The following ZNF223 variants were observed in gnomAD, a reference collection of about 807,000 sequenced individuals.
ZNF223 encodes zinc finger protein 223.
Under a neutral mutation model 12.3 loss-of-function variants are expected in ZNF223, and 9 were observed. The ratio of observed to expected loss-of-function variants is 0.73; its 90% CI spans 0.44 to 1.28. ZNF223 has a LOEUF of 1.28. Ranked by LOEUF, ZNF223 falls within the 50% of genes most tolerant of loss-of-function variation. The pLI, the probability that ZNF223 is intolerant of heterozygous loss-of-function variation, is 0.00. For missense variants in ZNF223, 506 were observed against 579.0 expected, an observed-to-expected ratio of 0.87 and a Z score of 1.29; for synonymous variants, 171 against 195.2, an observed-to-expected ratio of 0.88 and a Z score of 1.03.
intron 4 of ZNF223, chr19:44,061,054 A>G: frequency 2.0e-6 from 1 of 503,880 alleles, no homozygotes; most frequent in Non-Finnish European, 3.6e-6. Context: ...TGGATGTCAG[A>G]TTGTCATTCC....
In ZNF223 at chr19:44,064,902, CA is replaced by C. The variant is rs1472809381; in HGVS notation, c.236-1160del. On this transcript the variant is annotated intron_variant, in intron 4 of 4. Coordinates refer to ENST00000434772, the MANE Select transcript of ZNF223 (RefSeq NM_013361.6). Reference sequence around the variant, plus strand: ...CAAGGAACCACCAATCAGGGAAACTCAACTGAGTGCTGGGATCCAAGTAATT... The same window carrying C: ...CAAGGAACCACCAATCAGGGAAACTCACTGAGTGCTGGGATCCAAGTAATT... 5.9e-5 allele frequency among the ~76,000 whole-genome samples: 9 copies of C among 152,270 alleles called. No individual in the cohort carries two copies. In the South Asian group the frequency reaches 1.5e-3, roughly 25 times the overall value.
At chr19:44,061,727 A>G (rs1976841637) in intron 4 of ZNF223, among the ~76,000 whole-genome samples, 1 of 152,218 alleles carries the variant, frequency 6.6e-6, no homozygotes, top group Admixed American at 6.5e-5. Flanking sequence ...GGATGTGGAC[A>G]TCTTTCAGGA....
Position 44,067,626 on chromosome 19 carries a change from C to A in ZNF223, c.*349C>A. On this transcript the variant is annotated 3_prime_UTR_variant, in exon 5 of 5. Coordinates refer to ENST00000434772, the MANE Select transcript of ZNF223 (RefSeq NM_013361.6). ...TTAAGCTTCCCCATGTGATTGAGGA[C>A]AGTTTGAAGTTAGTGTTTCAGCCAT... 2.5e-6 allele frequency: 1 copy of A among 406,548 alleles called. No individual in the cohort carries two copies. The highest frequency in any genetic ancestry group is 4.8e-6 in the Non-Finnish European group (1 of 209,888). The allele number at this position is 406,548 out of a possible 1,614,324, so 25.2% of individuals were successfully genotyped here.
At position 44,066,818 on chromosome 19, in the gene ZNF223, T is replaced by C; in HGVS notation, c.990T>C (p.Asp330=). The C allele has an allele frequency of 6.2e-7, 1 of 1,614,042 alleles. No homozygotes were observed. Among genetic ancestry groups the C allele is most frequent in the South Asian group, 1.1e-5 (1 of 91,068 alleles). ...EYGKGFIRRL[D]LCKHQTIHTG... ...GAAAAGGCTTCATTCGTAGGCTGGA[T>C]TTGTGTAAGCATCAGACGATCCACA... The change falls in exon 5 of 5, where the codon GAT becomes GAC. Residue 330 remains aspartate (D), a synonymous_variant. Transcript: ENST00000434772.
rs1303267304 is a variant in ZNF223 at position 44,066,110 on chromosome 19, A to T, written c.282A>T (p.Pro94=). 6.2e-7 allele frequency: 1 copy of T among 1,609,462 alleles called. No homozygotes were observed. The highest frequency in any genetic ancestry group is 2.2e-5 in the East Asian group (1 of 44,864). Residue 94 remains proline (P), a synonymous_variant, in exon 5 of 5, where the codon CCA becomes CCT. Coordinates refer to ENST00000434772, the MANE Select transcript of ZNF223 (RefSeq NM_013361.6). ...PEMKTFPEAG[P]HEGWSCQQIW... ...TGAAGACTTTTCCAGAAGCAGGACC[A>T]CATGAAGGGTGGTCCTGCCAGCAGA...
chr19:44,052,048 C>T lies in ZNF223; in HGVS notation c.-216C>T, dbSNP rs898751517. ...CTTCCGGTCTCCTAGTCTGAGGTTCCTGCTTTAATGACCGGGGTAGTTTGA... is the reference window on the plus strand; with the variant it reads ...CTTCCGGTCTCCTAGTCTGAGGTTCTTGCTTTAATGACCGGGGTAGTTTGA... On this transcript the variant is annotated 5_prime_UTR_variant, in exon 1 of 5. Transcript: ENST00000434772. 1.3e-5 allele frequency: 2 copies of T among 152,226 alleles called. No individual in the cohort carries two copies. The highest frequency in any genetic ancestry group is 2.9e-5 in the Non-Finnish European group (2 of 68,058). 9.4% of individuals were successfully genotyped at this position (152,226 alleles called of 1,614,324 possible).
rs1210240449 is a variant in ZNF223, at chr19:44,066,389, C to T, written c.561C>T (p.Tyr187=). Reference sequence around the variant, plus strand: ...ATGAGTGTGGAAAAAGCTTCTGTTACATCTCAGCGCTTCATATTCATCAGA... The same window carrying T: ...ATGAGTGTGGAAAAAGCTTCTGTTATATCTCAGCGCTTCATATTCATCAGA... The part of the protein sequence containing the change: ...SCDECGKSFC[Y]ISALHIHQRV... The change falls in exon 5 of 5, where the codon TAC becomes TAT. Residue 187 remains tyrosine, a synonymous_variant. Transcript: ENST00000434772. 2 of 1,614,218 alleles carry T rather than the reference C, an allele frequency of 1.2e-6. No individual in the cohort carries two copies. Among genetic ancestry groups the T allele is most frequent in the East Asian group, 2.2e-5 (1 of 44,886 alleles).
chr19:44,062,133 G>A (rs914731966), intron 4 of ZNF223, among the ~76,000 whole-genome samples: 2 of 152,140 alleles, frequency 1.3e-5, no homozygotes, highest in African/African-American at 4.8e-5. Flanking sequence ...ACTGTCTGTA[G>A]GAATCATGGA....
At chr19:44,056,361 C>CAAAAAAAA (rs1227362311) in intron 2 of ZNF223, among the ~76,000 whole-genome samples, 312 of 78,666 alleles carry the variant, frequency 4.0e-3, no homozygotes, top group African/African-American at 4.8e-3. Context: ...ACTAAAAATA[C>CAAAAAAAA]AAAAAAAAAA....
Position 44,067,059 on chromosome 19 carries a change from C to T in ZNF223, c.1231C>T (p.Gln411Ter). 2 of 1,613,906 alleles carry T rather than the reference C, an allele frequency of 1.2e-6. No individual in the cohort carries two copies. The highest frequency in any genetic ancestry group is 1.7e-6 in the Non-Finnish European group (2 of 1,179,986). Residue 411 changes from glutamine (Q) to a stop codon, truncating the protein, a stop_gained, in exon 5 of 5, where the codon CAG becomes TAG. Transcript: ENST00000434772. LOFTEE classifies it low-confidence loss of function (END_TRUNC). ...NCDDCGKSFR[Q>*]ASSILNHKRL... ...TGATGACTGTGGGAAGAGCTTTAGA[C>T]AGGCCTCAAGTATTTTGAATCATAA...
At position 44,060,158 on chromosome 19, in the gene ZNF223, C is replaced by T. The variant is rs569146388; in HGVS notation, c.16-297C>T. On this transcript the variant is annotated intron_variant, in intron 2 of 4. Transcript: ENST00000434772. ...AGCAAGGTTCATTGAAACCTATATA[C>T]GTGTAGCCCAGTATGCAGCATTTAG... Among the ~76,000 whole-genome samples, 7 of 152,272 alleles carry T rather than the reference C, an allele frequency of 4.6e-5. No individual in the cohort carries two copies. The East Asian group carries it at 1.2e-3, about 25-fold the overall frequency.
intron 2 of ZNF223, among the ~76,000 whole-genome samples, chr19:44,059,972 G>A (rs866377838): frequency 9.2e-5 from 14 of 152,162 alleles, no homozygotes; most frequent in South Asian, 2.1e-4. Context: ...TTACCGCGGT[G>A]ATCTGAACCG....
At chr19:44,058,824 A>G (rs1196201570) in intron 2 of ZNF223, among the ~76,000 whole-genome samples, 1 of 152,198 alleles carries the variant, frequency 6.6e-6, no homozygotes, top group East Asian at 1.9e-4. Flanking sequence ...TAGGTGTAGG[A>G]CATAAATCTG....
intron 4 of ZNF223, among the ~76,000 whole-genome samples, chr19:44,064,899 A>G (rs544809287): frequency 6.6e-6 from 1 of 152,182 alleles, no homozygotes; most frequent in East Asian, 1.9e-4. Flanking sequence ...AATCAGGGAA[A>G]CTCAACTGAG....
intron 4 of ZNF223, 68 bp from the exon 5 acceptor site, chr19:44,065,996 G>T: frequency 6.6e-7 from 1 of 1,517,690 alleles, no homozygotes; most frequent in Non-Finnish European, 8.8e-7. Flanking sequence ...CATGTCCTAA[G>T]TGTGAACTCT....
At position 44,067,297 on chromosome 19, in the gene ZNF223, G is replaced by A; in HGVS notation, c.*20G>A. On this transcript the variant is annotated 3_prime_UTR_variant, in exon 5 of 5. Coordinates refer to ENST00000434772, the MANE Select transcript of ZNF223 (RefSeq NM_013361.6). Reference sequence around the variant, plus strand: ...ACGTAAGTGTTGTACATATTTATGGGGTACAGTGTGATATTTAAATATATG... The same window carrying A: ...ACGTAAGTGTTGTACATATTTATGGAGTACAGTGTGATATTTAAATATATG... 1.9e-6 allele frequency: 3 copies of A among 1,583,062 alleles called. No individual in the cohort carries two copies. The highest frequency in any genetic ancestry group is 2.3e-5 in the East Asian group (1 of 43,420).
At chr19:44,055,293 C>A in intron 2 of ZNF223, 102 bp downstream of exon 2, 1 of 1,297,892 alleles carries the variant, frequency 7.7e-7, no homozygotes, top group East Asian at 2.3e-5. Context: ...AACAGCAGGA[C>A]TTTGAGGATC....
intron 4 of ZNF223, among the ~76,000 whole-genome samples, chr19:44,062,342 C>A (rs1976852788): frequency 1.3e-5 from 2 of 152,178 alleles, no homozygotes; most frequent in South Asian, 4.1e-4. Context: ...AGTTATAATA[C>A]CAAATGCAAT....
In ZNF223 at chr19:44,066,716, C is replaced by T. The variant is rs1185660721; in HGVS notation, c.888C>T (p.Ser296=). The T allele has an allele frequency of 1.2e-6, 2 of 1,614,138 alleles. No homozygotes were observed. Among genetic ancestry groups the T allele is most frequent in the Non-Finnish European group, 1.7e-6 (2 of 1,180,024 alleles). The change falls in exon 5 of 5, where the codon AGC becomes AGT. Residue 296 remains serine, a synonymous_variant. Coordinates refer to ENST00000434772, the MANE Select transcript of ZNF223 (RefSeq NM_013361.6). ...TCAAATGTGAGATATGTAGTGTGAG[C>T]TTCCGTCTTAGGTCAAGTCTTAATA... ...KPFKCEICSV[S]FRLRSSLNRH...
Sources: allele counts gnomAD v4.1 joint callset (sites outside exome capture counted in the v4.1 genomes callset), GRCh38; gene constraint gnomAD v4.1.1; transcripts MANE v1.5; gene names NCBI Gene and HGNC (gene_info 2026-07-23, HGNC 2026-07-21).